Variants in FAM222B observed in about 807,000 individuals in gnomAD.
The protein encoded by FAM222B is family with sequence similarity 222 member B, also known as protein FAM222B.
Under a neutral mutation model 38.0 loss-of-function variants are expected in FAM222B, and 12 were observed. The ratio of observed to expected loss-of-function variants is 0.32; its 90% CI spans 0.20 to 0.51. The LOEUF (loss-of-function observed/expected upper bound fraction) is 0.51. FAM222B is among the 20% of genes least tolerant of loss of function. The pLI is 0.97. For synonymous variants in FAM222B, 329 were observed against 317.2 expected (o/e 1.04, Z -0.40); for missense variants, 716 against 754.2 (o/e 0.95, Z 0.59).
intron 1 of FAM222B, among the ~76,000 whole-genome samples, chr17:28,848,251 G>A (rs1156342923): frequency 6.6e-6 from 1 of 152,094 alleles, no homozygotes; most frequent in Non-Finnish European, 1.5e-5. Flanking sequence ...TTATCTCCCT[G>A]GGTTATGTGC....
intron 1 of FAM222B, among the ~76,000 whole-genome samples, chr17:28,775,039 T>C: frequency 6.7e-6 from 1 of 148,152 alleles, no homozygotes; most frequent in Admixed American, 6.8e-5. Flanking sequence ...CTTGCTCTGT[T>C]GCCCCGGCTG....
At chr17:28,846,980 T>C (rs1054338188), upstream of FAM222B, among the ~76,000 whole-genome samples, 3 of 151,910 alleles carry the variant, frequency 2.0e-5, no homozygotes, top group African/African-American at 7.3e-5. Flanking sequence ...TCCCAGCACT[T>C]TGGGAGGCCT....
chr17:28,796,184 T>G (rs2036930210), intron 1 of FAM222B, among the ~76,000 whole-genome samples: 2 of 152,216 alleles, frequency 1.3e-5, no homozygotes, highest in South Asian at 2.1e-4. Context: ...TGCAAGTAAT[T>G]ATCATCACTA....
intron 1 of FAM222B, among the ~76,000 whole-genome samples, chr17:28,838,323 G>A (rs1316085540): frequency 6.6e-6 from 1 of 151,672 alleles, no homozygotes; most frequent in East Asian, 2.0e-4. Context: ...GCTCACGCCT[G>A]TAATCCCAAC....
Position 28,842,719 on chromosome 17 carries a change from T to TGCCGCCCGCCGCCCGCCGCCCGCCGCCC in FAM222B, c.-79_-78insGGGCGGCGGGCGGCGGGCGGCGGGCGGC. ...GGCCCGGCCCTCATGGCTGCTCCTT[T>TGCCGCCCGCCGCCCGCCGCCCGCCGCCC]GCCGCCCGCCGCCCGCCGCCACCAC... On this transcript the variant is annotated 5_prime_UTR_variant, in exon 1 of 3. Coordinates refer to ENST00000581407, the MANE Select transcript of FAM222B (RefSeq NM_001077498.3). The TGCCGCCCGCCGCCCGCCGCCCGCCGCCC allele has an allele frequency of 6.5e-6, 1 of 153,552 alleles. No homozygotes were observed. The highest frequency in any genetic ancestry group is 1.8e-4 in the South Asian group (1 of 5,500). 9.5% of individuals were successfully genotyped at this position (153,552 alleles called of 1,614,324 possible).
intron 1 of FAM222B, among the ~76,000 whole-genome samples, chr17:28,797,878 T>TA (rs1241826772): frequency 6.7e-6 from 1 of 150,114 alleles, no homozygotes; most frequent in African/African-American, 2.4e-5. Flanking sequence ...CTGGACAACA[T>TA]AGGGAGACCC....
intron 1 of FAM222B, among the ~76,000 whole-genome samples, chr17:28,798,640 T>C (rs1190552395): frequency 3.6e-4 from 19 of 52,578 alleles, no homozygotes; most frequent in South Asian, 8.9e-4. Context: ...TTGCACCCCC[T>C]TTTTTTTTTT....
At chr17:28,813,127 C>G (rs1285675557) in intron 1 of FAM222B, among the ~76,000 whole-genome samples, 7 of 43,518 alleles carry the variant, frequency 1.6e-4, no homozygotes, top group Non-Finnish European at 3.6e-4. Flanking sequence ...TCATCAGACA[C>G]AAAAAAAAAA....
chr17:28,760,529 G>A (rs372146525), intron 2 of FAM222B, among the ~76,000 whole-genome samples: 16 of 151,746 alleles, frequency 1.1e-4, no homozygotes, highest in African/African-American at 3.9e-4. Context: ...GCAGTGAGCC[G>A]ACATCGCACC....
chr17:28,844,937 C>T (rs940945699), upstream of FAM222B, among the ~76,000 whole-genome samples: 2 of 151,412 alleles, frequency 1.3e-5, no homozygotes, highest in African/African-American at 4.9e-5. Flanking sequence ...CCTGTCTCTA[C>T]TGAAAAAATA....
upstream of FAM222B, among the ~76,000 whole-genome samples, chr17:28,843,138 C>G (rs12946844): frequency 2.5e-5 from 2 of 80,304 alleles, no homozygotes; most frequent in South Asian, 5.0e-4. Context: ...AAATTTGGGT[C>G]TTTTTTTTTT....
intron 1 of FAM222B, among the ~76,000 whole-genome samples, chr17:28,826,181 G>C (rs996521805): frequency 2.6e-5 from 4 of 152,042 alleles, no homozygotes; most frequent in African/African-American, 7.2e-5. Context: ...CGATTCTCCT[G>C]CCTCAGCCTC....
chr17:28,772,882 G>A (rs189548567), intron 1 of FAM222B, among the ~76,000 whole-genome samples: 244 of 152,228 alleles, frequency 1.6e-3, no homozygotes, highest in African/African-American at 5.3e-3. Context: ...GCGACAGAGC[G>A]AGACTCTGTC....
chr17:28,797,966 A>C (rs536006405), intron 1 of FAM222B, among the ~76,000 whole-genome samples: 4 of 152,130 alleles, frequency 2.6e-5, no homozygotes, highest in Admixed American at 2.0e-4. Context: ...CTGAGATGGG[A>C]GGATCACTTG....
intron 1 of FAM222B, among the ~76,000 whole-genome samples, chr17:28,833,677 G>C (rs923173457): frequency 1.3e-5 from 2 of 149,618 alleles, no homozygotes; most frequent in African/African-American, 4.9e-5. Context: ...AAAAGGACTA[G>C]CACTGTACTA....
At chr17:28,851,651 G>T (rs1283307383) in intron 1 of FAM222B, among the ~76,000 whole-genome samples, 1 of 151,986 alleles carries the variant, frequency 6.6e-6, no homozygotes, top group Non-Finnish European at 1.5e-5. Context: ...GCCAAGGCGG[G>T]CAGATCACCG....
At chr17:28,806,100 C>T (rs987452762) in intron 1 of FAM222B, among the ~76,000 whole-genome samples, 6 of 151,690 alleles carry the variant, frequency 4.0e-5, no homozygotes, top group Non-Finnish European at 8.8e-5. Flanking sequence ...TGCAGTGAGC[C>T]GAGATCGCGC....
chr17:28,793,454 T>C (rs981952844), intron 1 of FAM222B, among the ~76,000 whole-genome samples: 1 of 152,192 alleles, frequency 6.6e-6, no homozygotes, highest in African/African-American at 2.4e-5. Flanking sequence ...CCACTATAGC[T>C]AGCTTCTCCA....
intron 2 of FAM222B, among the ~76,000 whole-genome samples, chr17:28,764,524 G>A (rs1012943091): frequency 2.0e-5 from 3 of 151,966 alleles, no homozygotes; most frequent in African/African-American, 2.4e-5. Context: ...CGAGGCAGGC[G>A]GATCACCTGA....
Sources: gnomAD v4.1 joint callset for allele counts (sites outside exome capture counted in the v4.1 genomes callset) on GRCh38, gnomAD v4.1.1 for gene constraint, MANE v1.5 for transcripts, NCBI Gene and HGNC (gene_info 2026-07-23, HGNC 2026-07-21) for gene names.